Variants in ABCG2 observed in about 807,000 individuals in gnomAD.
ABCG2 encodes the protein broad substrate specificity ATP-binding cassette transporter ABCG2.
ABCG2 carries 80 observed loss-of-function variants against 73.5 expected under a neutral mutation model. That is an observed-to-expected ratio of 1.09 (90% CI 0.91 to 1.31). The LOEUF (loss-of-function observed/expected upper bound fraction) is 1.31. Among genes scored for constraint, ABCG2 ranks in the 50% most tolerant of loss-of-function variants. ABCG2 has a pLI of 0.00. For missense variants in ABCG2, 796 were observed against 786.2 expected, an observed-to-expected ratio of 1.01 and a Z score of -0.15; for synonymous variants, 269 against 282.4, an observed-to-expected ratio of 0.95 and a Z score of 0.48.
chr4:88,123,830 T>G (rs995731520), intron 5 of ABCG2, among the ~76,000 whole-genome samples: 1 of 151,838 alleles, frequency 6.6e-6, no homozygotes, highest in Non-Finnish European at 1.5e-5. Flanking sequence ...ACAAAGATAC[T>G]CCTCAAGAGC....
At chr4:88,174,143 C>G (rs952956328) in intron 1 of ABCG2, among the ~76,000 whole-genome samples, 6 of 151,242 alleles carry the variant, frequency 4.0e-5, no homozygotes, top group African/African-American at 1.2e-4. Context: ...TCCAACCTGA[C>G]TGGTGTTTTT....
At chr4:88,172,280 G>A (rs1234376568) in intron 1 of ABCG2, among the ~76,000 whole-genome samples, 2 of 129,038 alleles carry the variant, frequency 1.5e-5, no homozygotes, top group Admixed American at 8.1e-5. Context: ...GGCAACAAGA[G>A]CAAAGCTCCG....
chr4:88,168,276 T>C (rs1305523222), intron 1 of ABCG2, among the ~76,000 whole-genome samples: 3 of 151,994 alleles, frequency 2.0e-5, no homozygotes, highest in Non-Finnish European at 4.4e-5. Flanking sequence ...ATCATGAGGT[T>C]AGGAGATTGA....
chr4:88,126,694 A>G (rs1724433449), intron 5 of ABCG2, among the ~76,000 whole-genome samples: 1 of 152,246 alleles, frequency 6.6e-6, no homozygotes, highest in Non-Finnish European at 1.5e-5. Context: ...TTAACTCAAT[A>G]GATGCAGTAA....
intron 1 of ABCG2, among the ~76,000 whole-genome samples, chr4:88,149,825 T>C (rs1212122321): frequency 6.6e-6 from 1 of 152,152 alleles, no homozygotes; most frequent in Admixed American, 6.5e-5. Flanking sequence ...CACTCCATTC[T>C]GGGCAACAAG....
chr4:88,157,534 C>T (rs1441134142), intron 1 of ABCG2, among the ~76,000 whole-genome samples: 1 of 152,076 alleles, frequency 6.6e-6, no homozygotes, highest in Non-Finnish European at 1.5e-5. Flanking sequence ...TGCAAATTTT[C>T]AGTAACTCTC....
chr4:88,132,737 C>A, intron 2 of ABCG2, 102 bp from the exon 3 acceptor site: 2 of 1,294,554 alleles, frequency 1.5e-6, no homozygotes, highest in Admixed American at 1.8e-5. Flanking sequence ...GATGAAATTA[C>A]AAATAGAACA....
intron 15 of ABCG2, 139 bp from the exon 16 acceptor site, chr4:88,092,520 G>A (rs895396226): frequency 4.7e-5 from 40 of 853,114 alleles, no homozygotes; most frequent in Non-Finnish European, 6.3e-5. Context: ...ATAGCTAACA[G>A]TCATTGTGTG....
chr4:88,171,921 G>C (rs940350075), intron 1 of ABCG2, among the ~76,000 whole-genome samples: 1 of 152,086 alleles, frequency 6.6e-6, no homozygotes, highest in Non-Finnish European at 1.5e-5. Context: ...AGGAGTTCCA[G>C]GCCACAGTGT....
At chr4:88,105,567 C>CA (rs1042995040) in intron 10 of ABCG2, among the ~76,000 whole-genome samples, 1 of 152,142 alleles carries the variant, frequency 6.6e-6, no homozygotes, top group African/African-American at 2.4e-5. Flanking sequence ...ACAACACTAA[C>CA]AAAAGTGCTA....
At chr4:88,226,249 T>A (rs746050645) in intron 1 of ABCG2, among the ~76,000 whole-genome samples, 23 of 152,248 alleles carry the variant, frequency 1.5e-4, no homozygotes, top group Non-Finnish European at 2.9e-4. Context: ...AGCTTGAAGC[T>A]GTGTTGATGG....
In ABCG2 at chr4:88,091,183, T is replaced by C. The variant is rs535864925; in HGVS notation, c.*1051A>G. The C allele has an allele frequency of 6.6e-6, 1 of 152,354 alleles. No individual in the cohort carries two copies. Among genetic ancestry groups the C allele is most frequent in the South Asian group, 2.1e-4 (1 of 4,832 alleles). 9.4% of individuals were successfully genotyped at this position (152,354 alleles called of 1,614,324 possible). On this transcript the variant is annotated 3_prime_UTR_variant, in exon 16 of 16. Coordinates refer to ENST00000237612, the MANE Select transcript of ABCG2 (RefSeq NM_004827.3). ...ACAATCTTCTATTTCTTGACCTGAA[T>C]TGATGGTTGCACATGTGTGTTCATT...
At chr4:88,101,643 G>A (rs913959767) in intron 10 of ABCG2, among the ~76,000 whole-genome samples, 11 of 152,130 alleles carry the variant, frequency 7.2e-5, no homozygotes, top group African/African-American at 2.7e-4. Flanking sequence ...AGGTAATTAG[G>A]TTCAGATGAG....
chr4:88,197,384 G>A (rs1332744348), intron 1 of ABCG2, among the ~76,000 whole-genome samples: 3 of 152,102 alleles, frequency 2.0e-5, no homozygotes, highest in Admixed American at 6.6e-5. Flanking sequence ...GGGAGAGTGA[G>A]GTGGAAGGAC....
intron 1 of ABCG2, among the ~76,000 whole-genome samples, chr4:88,212,812 G>C (rs1729656525): frequency 6.6e-6 from 1 of 152,076 alleles, no homozygotes; most frequent in Non-Finnish European, 1.5e-5. Context: ...TTAAATTCCT[G>C]TCTCCCCTGC....
intron 1 of ABCG2, among the ~76,000 whole-genome samples, chr4:88,153,057 G>T (rs1726636572): frequency 6.6e-6 from 1 of 152,216 alleles, no homozygotes; most frequent in South Asian, 2.1e-4. Flanking sequence ...CTAAGAATTG[G>T]GAGGACCCAG....
At chr4:88,103,103 T>C (rs1722549302) in intron 10 of ABCG2, among the ~76,000 whole-genome samples, 2 of 152,166 alleles carry the variant, frequency 1.3e-5, no homozygotes, top group Admixed American at 6.5e-5. Flanking sequence ...AGTATGTACA[T>C]ATAATTAAAA....
intron 5 of ABCG2, among the ~76,000 whole-genome samples, chr4:88,129,274 T>C (rs1466829692): frequency 6.6e-6 from 1 of 152,222 alleles, no homozygotes; most frequent in Admixed American, 6.5e-5. Flanking sequence ...TGATATTAAT[T>C]GTCTCATTAT....
In ABCG2 at chr4:88,118,148, C is replaced by T. The variant is rs1165564275; in HGVS notation, c.802G>A (p.Gly268Arg). 6.2e-6 allele frequency: 10 copies of T among 1,614,034 alleles called. No homozygotes were observed. The highest frequency in any genetic ancestry group is 1.6e-4 in the Middle Eastern group (1 of 6,062). ...LLASGRLMFH[G>R]PAQEALGYFE... ...TATCCCAAGGCCTCCTGAGCAGGCC[C>T]GTGGAACATAAGTCTTCCTGAGGCC... is the stretch of plus-strand genomic sequence containing the variant. Residue 268 changes from glycine (G) to arginine (R), a missense_variant, in exon 7 of 16, where the codon GGG becomes AGG. By Grantham distance (125) the Gly-to-Arg change is moderately radical (BLOSUM62 -2). Coordinates refer to ENST00000237612, the MANE Select transcript of ABCG2 (RefSeq NM_004827.3).
Sources: gnomAD v4.1 joint callset for allele counts (sites outside exome capture counted in the v4.1 genomes callset) on GRCh38, gnomAD v4.1.1 for gene constraint, MANE v1.5 for transcripts, NCBI Gene and HGNC (gene_info 2026-07-23, HGNC 2026-07-21) for gene names.